Variants in OTOGL observed in about 807,000 individuals in gnomAD.
OTOGL encodes otogelin-like protein.
In OTOGL, 285 loss-of-function variants were observed where a neutral mutation model predicts 318.5. The observed-to-expected ratio is 0.89, with a 90% CI of 0.81 to 0.99. OTOGL has a LOEUF of 0.99. OTOGL is among the 50% of genes least tolerant of loss of function. The probability of loss-of-function intolerance (pLI) is 0.00; values close to 1 mark genes in which losing one functional copy is unlikely to be tolerated. For synonymous variants in OTOGL, 987 were observed against 936.5 expected (o/e 1.05, Z -0.99); for missense variants, 2,899 against 2,845.6 (o/e 1.02, Z -0.43).
At chr12:80,374,972 G>A (rs968470747) in intron 57 of OTOGL, among the ~76,000 whole-genome samples, 1 of 152,152 alleles carries the variant, frequency 6.6e-6, no homozygotes, top group Admixed American at 6.6e-5. Context: ...GCTGATCATA[G>A]TAGTAAATAA....
intron 33 of OTOGL, among the ~76,000 whole-genome samples, chr12:80,320,145 TC>T (rs1887227578): frequency 1.3e-5 from 2 of 151,972 alleles, no homozygotes; most frequent in African/African-American, 4.8e-5. Flanking sequence ...TTTCCTTTTT[TC>T]CCCCAAGGAC....
At chr12:80,334,726 A>G (rs1888287045) in intron 38 of OTOGL, among the ~76,000 whole-genome samples, 1 of 152,154 alleles carries the variant, frequency 6.6e-6, no homozygotes, top group South Asian at 2.1e-4. Flanking sequence ...TAGGTCTGAG[A>G]TGAGGTCTGA....
At chr12:80,265,831 T>G (rs1592630416) in intron 20 of OTOGL, 1 of 153,248 alleles carries the variant, frequency 6.5e-6, no homozygotes, top group Non-Finnish European at 1.5e-5. Context: ...CATTGGCTGG[T>G]GTTGACGTTA....
At chr12:80,327,223 C>T (rs1056087067) in intron 35 of OTOGL, among the ~76,000 whole-genome samples, 4 of 152,108 alleles carry the variant, frequency 2.6e-5, no homozygotes, top group Non-Finnish European at 2.9e-5. Context: ...TGTCTCCATT[C>T]CTTTAGAAGA....
rs974799883 is a variant in OTOGL, at chr12:80,378,405, C to A, written c.*357C>A. ...CTCTTTTTTTCTTAATTTGCAAAGT[C>A]TGCTATAGCTATCCAAATTAAGGTA... On this transcript the variant is annotated 3_prime_UTR_variant, in exon 59 of 59. Transcript: ENST00000547103. The A allele has an allele frequency of 1.6e-5, 3 of 185,214 alleles. No individual in the cohort carries two copies. Among genetic ancestry groups the A allele is most frequent in the Admixed American group, 5.4e-5 (1 of 18,662 alleles). The allele number at this position is 185,214 out of a possible 1,614,324, so 11.5% of individuals were successfully genotyped here.
At chr12:80,271,051 T>A (rs1018348392) in intron 23 of OTOGL, among the ~76,000 whole-genome samples, 2 of 152,136 alleles carry the variant, frequency 1.3e-5, no homozygotes, top group Non-Finnish European at 2.9e-5. Context: ...TTACAAGACA[T>A]GTTTATGGAC....
chr12:80,282,179 A>C (rs536252117), intron 26 of OTOGL, among the ~76,000 whole-genome samples: 8 of 151,988 alleles, frequency 5.3e-5, no homozygotes, highest in African/African-American at 1.9e-4. Flanking sequence ...CACAAGAATA[A>C]ACAAAATAAC....
rs572250319 is a variant in OTOGL at position 80,250,053 on chromosome 12, C to T, written c.1053-1640C>T. 2.4e-4 allele frequency among the ~76,000 whole-genome samples: 36 copies of T among 152,100 alleles called. No homozygotes were observed. The South Asian group carries it at 5.2e-3, about 22-fold the overall frequency. ...CACGGTGCGCGCACCCACTGACCTG[C>T]GCCCACTGTCTGGCACTCCCTAGTG... On this transcript the variant is annotated intron_variant, in intron 11 of 58. Coordinates refer to ENST00000547103, the MANE Select transcript of OTOGL (RefSeq NM_001378609.3).
chr12:80,124,644 A>G (rs930854492), intron 1 of OTOGL, among the ~76,000 whole-genome samples: 2 of 152,172 alleles, frequency 1.3e-5, no homozygotes, highest in Admixed American at 6.5e-5. Flanking sequence ...GGCCATTTTC[A>G]TGATATTGAT....
intron 56 of OTOGL, chr12:80,370,891 A>G (rs1890841529): frequency 3.1e-6 from 1 of 320,300 alleles, no homozygotes; most frequent in Non-Finnish European, 5.5e-6. Flanking sequence ...TCTGTCTTGA[A>G]TAGATACTGT....
At chr12:80,159,904 A>G (rs145472664) in intron 1 of OTOGL, among the ~76,000 whole-genome samples, 134 of 152,302 alleles carry the variant, frequency 8.8e-4, no homozygotes, top group Admixed American at 2.1e-3. Context: ...AAATAGGCAC[A>G]TAAACCAATG....
intron 43 of OTOGL, among the ~76,000 whole-genome samples, chr12:80,341,360 G>T (rs1888757701): frequency 6.6e-6 from 1 of 152,118 alleles, no homozygotes; most frequent in African/African-American, 2.4e-5. Flanking sequence ...CATGTGCCTA[G>T]GTGACTGCTA....
intron 34 of OTOGL, 43 bp from the exon 35 acceptor site, chr12:80,323,680 A>G: frequency 7.2e-7 from 1 of 1,394,428 alleles, no homozygotes; most frequent in Non-Finnish European, 1.0e-6. Flanking sequence ...TTTTCAAGCT[A>G]TGTATTAAAT....
At chr12:80,209,319 C>A in intron 1 of OTOGL, 94 bp from the exon 2 acceptor site, 1 of 598,182 alleles carries the variant, frequency 1.7e-6, no homozygotes, top group Non-Finnish European at 2.6e-6. Context: ...TACTTTATTA[C>A]ATAGCTATAT....
intron 55 of OTOGL, 74 bp downstream of exon 55, chr12:80,368,383 T>TA: frequency 1.4e-6 from 1 of 708,224 alleles, no homozygotes; most frequent in Non-Finnish European, 2.4e-6. Context: ...TTGGAAAATG[T>TA]CCCCCCCCAC....
intron 1 of OTOGL, among the ~76,000 whole-genome samples, chr12:80,152,878 G>C (rs1872873951): frequency 6.6e-6 from 1 of 152,106 alleles, no homozygotes; most frequent in Non-Finnish European, 1.5e-5. Flanking sequence ...ATTTTTAGTA[G>C]AGACAGGGTT....
At chr12:80,254,486 C>G in intron 14 of OTOGL, 38 bp from the exon 15 acceptor site, 1 of 1,536,914 alleles carries the variant, frequency 6.5e-7, no homozygotes, top group Non-Finnish European at 8.9e-7. Context: ...TACAGTTTCT[C>G]TATGCCAATA....
intron 20 of OTOGL, chr12:80,265,556 G>T (rs555199531): frequency 8.5e-6 from 2 of 234,346 alleles, no homozygotes; most frequent in African/African-American, 2.2e-5. Flanking sequence ...ATACAGTGAC[G>T]CAGTTGATTT....
At chr12:80,355,224 C>CTTTCTTTTTTTTTTTTTTTTTTTTTTTT (rs1889799791) in intron 46 of OTOGL, among the ~76,000 whole-genome samples, 2 of 65,602 alleles carry the variant, frequency 3.0e-5, no homozygotes, top group East Asian at 4.1e-4. Flanking sequence ...TTCTTTCTTT[C>CTTTCTTTTTTTTTTTTTTTTTTTTTTTT]TTTTCTTTTT....
Sources: gnomAD v4.1 joint callset for allele counts (sites outside exome capture counted in the v4.1 genomes callset) on GRCh38, gnomAD v4.1.1 for gene constraint, MANE v1.5 for transcripts, NCBI Gene and HGNC (gene_info 2026-07-23, HGNC 2026-07-21) for gene names.